EPM2AIP1: variants seen among roughly 807,000 people sequenced by gnomAD.
EPM2AIP1 encodes EPM2A-interacting protein 1.
EPM2AIP1 carries 23 observed loss-of-function variants against 44.8 expected under a neutral mutation model. The observed-to-expected ratio is 0.51, with a 90% CI of 0.37 to 0.73. EPM2AIP1 has a LOEUF of 0.73. Among genes scored for constraint, EPM2AIP1 ranks in the 30% least tolerant of loss-of-function variants. The probability of loss-of-function intolerance (pLI) is 0.00; values close to 1 mark genes in which losing one functional copy is unlikely to be tolerated. For synonymous variants in EPM2AIP1, 311 were observed against 284.3 expected (o/e 1.09, Z -0.94); for missense variants, 652 against 743.9 (o/e 0.88, Z 1.44).
chr3:36,990,383 T>C lies in EPM2AIP1; in HGVS notation c.*871A>G. 1.0e-6 allele frequency: 1 copy of C among 981,276 alleles called. No individual in the cohort carries two copies. The highest frequency in any genetic ancestry group is 1.2e-6 in the Non-Finnish European group (1 of 827,134). The allele number at this position is 981,276 out of a possible 1,614,324, so 60.8% of individuals were successfully genotyped here. A position where few individuals can be genotyped will look rare whatever the true frequency, so the allele number is the denominator to read the frequency against. Reference sequence around the variant, plus strand: ...AGCTAAAATATCTCACACCTCCTAATCCTGGAGTGCAATCTTTTTTCCTCA... The same window carrying C: ...AGCTAAAATATCTCACACCTCCTAACCCTGGAGTGCAATCTTTTTTCCTCA... On this transcript the variant is annotated 3_prime_UTR_variant, in exon 1 of 1. Transcript: ENST00000322716.
Position 36,990,726 on chromosome 3 carries a change from A to G in EPM2AIP1, c.*528T>C, listed in dbSNP as rs1339214420. ...GTCAGTATTACCTTCGAACTCAGAA[A>G]TGTTTAAAAAAAAGTCTCAAACATT... On this transcript the variant is annotated 3_prime_UTR_variant, in exon 1 of 1. Coordinates refer to ENST00000322716, the MANE Select transcript of EPM2AIP1 (RefSeq NM_014805.4). 1 of 985,608 alleles carries G rather than the reference A, an allele frequency of 1.0e-6. No individual in the cohort carries two copies. Among genetic ancestry groups the G allele is most frequent in the East Asian group, 1.1e-4 (1 of 8,840 alleles). 61.1% of individuals were successfully genotyped at this position (985,608 alleles called of 1,614,324 possible).
chr3:36,993,124 G>C lies in EPM2AIP1; in HGVS notation c.-47C>G. ...AGGGCCAACGTTAGAAAGGCCGCAAGGGGAGAGGAGGAGCCTGAGAAGCGC... is the reference window on the plus strand; with the variant it reads ...AGGGCCAACGTTAGAAAGGCCGCAACGGGAGAGGAGGAGCCTGAGAAGCGC... On this transcript the variant is annotated 5_prime_UTR_variant, in exon 1 of 1. Coordinates refer to ENST00000322716, the MANE Select transcript of EPM2AIP1 (RefSeq NM_014805.4). 6.5e-7 allele frequency: 1 copy of C among 1,550,186 alleles called. No homozygotes were observed. The highest frequency in any genetic ancestry group is 1.2e-5 in the South Asian group (1 of 82,428).
At position 36,991,127 on chromosome 3, in the gene EPM2AIP1, G is replaced by C. The variant is rs2080800001; in HGVS notation, c.*127C>G. 2.2e-6 allele frequency: 3 copies of C among 1,384,864 alleles called. No homozygotes were observed. Among genetic ancestry groups the C allele is most frequent in the African/African-American group, 2.9e-5 (2 of 69,628 alleles). 85.8% of individuals were successfully genotyped at this position (1,384,864 alleles called of 1,614,324 possible). On this transcript the variant is annotated 3_prime_UTR_variant, in exon 1 of 1. Coordinates refer to ENST00000322716, the MANE Select transcript of EPM2AIP1 (RefSeq NM_014805.4). ...AGGCAACTGTCAGAATTTTAATTGT[G>C]ATCAGTTTGGACGGCTGGTACTTGG...
chr3:36,991,322 C>T lies in EPM2AIP1; in HGVS notation c.1756G>A (p.Val586Ile), dbSNP rs764795571. 5 of 1,613,852 alleles carry T rather than the reference C, an allele frequency of 3.1e-6. No individual in the cohort carries two copies. The African/African-American group carries it at 6.7e-5, about 22-fold the overall frequency. Residue 586 changes from valine (V) to isoleucine (I), a missense_variant, in exon 1 of 1, where the codon GTT (valine) becomes ATT (isoleucine). Coordinates refer to ENST00000322716, the MANE Select transcript of EPM2AIP1 (RefSeq NM_014805.4). ...CCGGGCTCCATTTCAGTTGTGGCAA[C>T]CCGAAACAGGGCTTGGAGATGCTCA... ...TDEHLQALFR[V>I]ATTEMEPGWD...
In EPM2AIP1 at chr3:36,991,762, T is replaced by G; in HGVS notation, c.1316A>C (p.Glu439Ala). The G allele has an allele frequency of 6.2e-7, 1 of 1,613,840 alleles. No homozygotes were observed. Among genetic ancestry groups the G allele is most frequent in the South Asian group, 1.1e-5 (1 of 91,070 alleles). The change falls in exon 1 of 1, where the codon GAA (glutamate) becomes GCA (alanine). Residue 439 changes from glutamate (E) to alanine (A), a missense_variant. Transcript: ENST00000322716. ...KNLTDFPALR[E>A]VVDELKQQNK... ...TTGCTGTTTTAGCTCATCAACAACT[T>G]CTCTGAGGGCAGGAAAGTCTGTTAG...
Position 36,991,515 on chromosome 3 carries a change from T to C in EPM2AIP1, c.1563A>G (p.Arg521=), listed in dbSNP as rs1559495876. 1 of 1,613,760 alleles carries C rather than the reference T, an allele frequency of 6.2e-7. No homozygotes were observed. Among genetic ancestry groups the C allele is most frequent in the Non-Finnish European group, 8.5e-7 (1 of 1,179,816 alleles). The change falls in exon 1 of 1, where the codon AGA becomes AGG. Residue 521 remains arginine, a synonymous_variant. Coordinates refer to ENST00000322716, the MANE Select transcript of EPM2AIP1 (RefSeq NM_014805.4). ...CATAAAACTGCCCCAAGTCTTTGAT[T>C]CTGTATTCATTCCAAAGATTAGTGT... The part of the protein sequence containing the change: ...QANTNLWNEY[R]IKDLGQFYAG...
Position 36,991,335 on chromosome 3 carries a change from T to C in EPM2AIP1, c.1743A>G (p.Gln581=), listed in dbSNP as rs1429592840. The change falls in exon 1 of 1, where the codon CAA becomes CAG. Residue 581 remains glutamine, a synonymous_variant. Transcript: ENST00000322716. ...LSQPLTDEHL[Q]ALFRVATTEM... is the part of the protein sequence containing the mutation. ...CAGTTGTGGCAACCCGAAACAGGGCTTGGAGATGCTCATCTGTTAATGGCT... is the reference window on the plus strand; with the variant it reads ...CAGTTGTGGCAACCCGAAACAGGGCCTGGAGATGCTCATCTGTTAATGGCT... 1 of 1,614,036 alleles carries C rather than the reference T, an allele frequency of 6.2e-7. No individual in the cohort carries two copies. Among genetic ancestry groups the C allele is most frequent in the Non-Finnish European group, 8.5e-7 (1 of 1,179,888 alleles).
Position 36,986,207 on chromosome 3 carries a change from A to G in EPM2AIP1, c.*5047T>C, listed in dbSNP as rs2080768354. On this transcript the variant is annotated 3_prime_UTR_variant, in exon 1 of 1. Coordinates refer to ENST00000322716, the MANE Select transcript of EPM2AIP1 (RefSeq NM_014805.4). ...GAAAGGTGAAACTGCCCCTTGAGAT[A>G]ACCTGAAAGGCAGATCATCTACCCT... 1 of 152,256 alleles carries G rather than the reference A, an allele frequency of 6.6e-6. No homozygotes were observed. Among genetic ancestry groups the G allele is most frequent in the African/African-American group, 2.4e-5 (1 of 41,474 alleles). The allele number at this position is 152,256 out of a possible 1,614,324, so 9.4% of individuals were successfully genotyped here. A position where few individuals can be genotyped will look rare whatever the true frequency, so the allele number is the denominator to read the frequency against.
Position 36,991,701 on chromosome 3 carries a change from C to T in EPM2AIP1, c.1377G>A (p.Arg459=), listed in dbSNP as rs375933286. ...KEDEKIFDPD[R]YQMVICRLQK... is the part of the protein sequence containing the mutation. ...GGAGACGACAGATCACCATTTGATA[C>T]CTATCAGGATCAAATATTTTTTCAT... Residue 459 remains arginine, a synonymous_variant, in exon 1 of 1, where the codon AGG becomes AGA. Coordinates refer to ENST00000322716, the MANE Select transcript of EPM2AIP1 (RefSeq NM_014805.4). 360 of 1,613,220 alleles carry T rather than the reference C, an allele frequency of 2.2e-4. No homozygotes were observed. Among genetic ancestry groups the T allele is most frequent in the Non-Finnish European group, 3.0e-4 (350 of 1,179,724 alleles).
Position 36,987,696 on chromosome 3 carries a change from C to T in EPM2AIP1, c.*3558G>A, listed in dbSNP as rs578076169. ...TTTAAGTCACATGCTAAGCACTACACTAAATTCTGAGAATACAACGAGGTC... is the reference window on the plus strand; with the variant it reads ...TTTAAGTCACATGCTAAGCACTACATTAAATTCTGAGAATACAACGAGGTC... On this transcript the variant is annotated 3_prime_UTR_variant, in exon 1 of 1. Transcript: ENST00000322716. 6 of 152,238 alleles carry T rather than the reference C, an allele frequency of 3.9e-5. No individual in the cohort carries two copies. Among genetic ancestry groups the T allele is most frequent in the African/African-American group, 1.4e-4 (6 of 41,556 alleles). 9.4% of individuals were successfully genotyped at this position (152,238 alleles called of 1,614,324 possible). A position where few individuals can be genotyped will look rare whatever the true frequency, so the allele number is the denominator to read the frequency against.
At position 36,985,692 on chromosome 3, in the gene EPM2AIP1, C is replaced by T. The variant is rs2080766050; in HGVS notation, c.*5562G>A. On this transcript the variant is annotated 3_prime_UTR_variant, in exon 1 of 1. Coordinates refer to ENST00000322716, the MANE Select transcript of EPM2AIP1 (RefSeq NM_014805.4). ...ACACTCCTGATGGTATCTGCTTTGT[C>T]AGCCTGAGACCCAGAATGAAGGCAA... The T allele has an allele frequency of 1.3e-5, 2 of 152,166 alleles. No individual in the cohort carries two copies. Among genetic ancestry groups the T allele is most frequent in the South Asian group, 4.1e-4 (2 of 4,828 alleles). 9.4% of individuals were successfully genotyped at this position (152,166 alleles called of 1,614,324 possible). A position where few individuals can be genotyped will look rare whatever the true frequency, so the allele number is the denominator to read the frequency against.
In EPM2AIP1 at chr3:36,987,216, G is replaced by T. The variant is rs1296511704; in HGVS notation, c.*4038C>A. ...ATTTACTTACTTTTAAATCCCAGAA[G>T]AGCCAAAAATCATCTGTAAAGGAAA... On this transcript the variant is annotated 3_prime_UTR_variant, in exon 1 of 1. Transcript: ENST00000322716. The T allele has an allele frequency of 6.6e-6, 1 of 152,488 alleles. No homozygotes were observed. Among genetic ancestry groups the T allele is most frequent in the African/African-American group, 2.4e-5 (1 of 41,390 alleles). 9.4% of individuals were successfully genotyped at this position (152,488 alleles called of 1,614,324 possible). A position where few individuals can be genotyped will look rare whatever the true frequency, so the allele number is the denominator to read the frequency against.
rs570756896 is a variant in EPM2AIP1 at position 36,991,400 on chromosome 3, C to A, written c.1678G>T (p.Ala560Ser). ...LFDSNQICEK[A>S]FSYLTRNQHT... ...TGGTTTCGAGTCAAATATGAAAAAG[C>A]CTTTTCACAGATTTGGTTACTATCA... The change falls in exon 1 of 1, where the codon GCT becomes TCT. Residue 560 changes from alanine to serine, a missense_variant. Transcript: ENST00000322716. 2.5e-6 allele frequency: 4 copies of A among 1,613,924 alleles called. No individual in the cohort carries two copies. Among genetic ancestry groups the A allele is most frequent in the East Asian group, 4.5e-5 (2 of 44,888 alleles).
rs2080793616 is a variant in EPM2AIP1 at position 36,990,082 on chromosome 3, T to C, written c.*1172A>G. The C allele has an allele frequency of 2.0e-5, 3 of 152,264 alleles. No individual in the cohort carries two copies. The highest frequency in any genetic ancestry group is 4.4e-5 in the Non-Finnish European group (3 of 68,052). 9.4% of individuals were successfully genotyped at this position (152,264 alleles called of 1,614,324 possible). ...AATGAACTTTAAGATTGCCTTTTCA[T>C]GGTGAACAGAAGTTTGGAAATTACT... On this transcript the variant is annotated 3_prime_UTR_variant, in exon 1 of 1. Transcript: ENST00000322716.
At position 36,991,848 on chromosome 3, in the gene EPM2AIP1, G is replaced by A; in HGVS notation, c.1230C>T (p.Asp410=). 1 of 1,613,620 alleles carries A rather than the reference G, an allele frequency of 6.2e-7. No individual in the cohort carries two copies. The highest frequency in any genetic ancestry group is 2.2e-5 in the East Asian group (1 of 44,878). The change falls in exon 1 of 1, where the codon GAC becomes GAT. Residue 410 remains aspartate (D), a synonymous_variant. Transcript: ENST00000322716. ...VSKVFAAAAF[D]HICTFEVKLN... Reference sequence around the variant, plus strand: ...GCTTAACTTCGAAAGTACAAATATGGTCAAAGGCAGCAGCAGCAAAGACTT... The same window carrying A: ...GCTTAACTTCGAAAGTACAAATATGATCAAAGGCAGCAGCAGCAAAGACTT...
Position 36,992,254 on chromosome 3 carries a change from A to G in EPM2AIP1, c.824T>C (p.Val275Ala), listed in dbSNP as rs1575368783. 6.2e-7 allele frequency: 1 copy of G among 1,614,024 alleles called. No individual in the cohort carries two copies. The highest frequency in any genetic ancestry group is 1.6e-4 in the Middle Eastern group (1 of 6,062). The change falls in exon 1 of 1, where the codon GTC (valine) becomes GCC (alanine). Residue 275 changes from valine to alanine, a missense_variant. By Grantham distance (64) the Val-to-Ala change is moderately conservative (BLOSUM62 0). Transcript: ENST00000322716. This position sits in a 1 kb window ranked among gnomAD's most constrained non-coding sequence, Gnocchi z 5.3. ...GTGAAGAAATCCTGAATAATGAATG[A>G]CATTCCAACAGTTGGGGCTTACGGC... ...EKAVSPNCWN[V>A]IHYSGFLHLE...
Position 36,987,607 on chromosome 3 carries a change from T to C in EPM2AIP1, c.*3647A>G, listed in dbSNP as rs1253121491. The C allele has an allele frequency of 7.1e-6, 1 of 141,402 alleles. No individual in the cohort carries two copies. Among genetic ancestry groups the C allele is most frequent in the Non-Finnish European group, 1.6e-5 (1 of 64,508 alleles). 8.8% of individuals were successfully genotyped at this position (141,402 alleles called of 1,614,324 possible). A position where few individuals can be genotyped will look rare whatever the true frequency, so the allele number is the denominator to read the frequency against. Reference sequence around the variant, plus strand: ...TTTACCAGGGAAAACCGCAATTTGTTATCCTTCTCTCCTTTCATACAACAG... The same window carrying C: ...TTTACCAGGGAAAACCGCAATTTGTCATCCTTCTCTCCTTTCATACAACAG... On this transcript the variant is annotated 3_prime_UTR_variant, in exon 1 of 1. Transcript: ENST00000322716.
chr3:36,991,750 T>A lies in EPM2AIP1; in HGVS notation c.1328A>T (p.Glu443Val). The change falls in exon 1 of 1, where the codon GAG becomes GTG. Residue 443 changes from glutamate to valine, a missense_variant. By Grantham distance (121) the Glu-to-Val change is moderately radical (BLOSUM62 -2). Transcript: ENST00000322716. ...DFPALREVVDELKQQNKEDEK... is the reference protein window; with the variant it reads ...DFPALREVVDVLKQQNKEDEK... ...ATCTTCCTTATTTTGCTGTTTTAGC[T>A]CATCAACAACTTCTCTGAGGGCAGG... 1 of 1,613,882 alleles carries A rather than the reference T, an allele frequency of 6.2e-7. No homozygotes were observed. Among genetic ancestry groups the A allele is most frequent in the Non-Finnish European group, 8.5e-7 (1 of 1,179,870 alleles).
rs775218045 is a variant in EPM2AIP1 at position 36,992,629 on chromosome 3, G to A, written c.449C>T (p.Thr150Ile). The change falls in exon 1 of 1, where the codon ACA becomes ATA. Residue 150 changes from threonine (T) to isoleucine (I), a missense_variant. Coordinates refer to ENST00000322716, the MANE Select transcript of EPM2AIP1 (RefSeq NM_014805.4). The surrounding 1 kb of genome is among the most constrained non-coding windows in gnomAD (Gnocchi z 5.3). ...LQGVDLSPDITRQRILSIDRN... is the reference protein window; with the variant it reads ...LQGVDLSPDIIRQRILSIDRN... ...GTCAATGCTCAGGATCCTCTGCCTT[G>A]TGATATCTGGAGATAAGTCAACGCC... 10 of 1,614,066 alleles carry A rather than the reference G, an allele frequency of 6.2e-6. No individual in the cohort carries two copies. The Admixed American group carries it at 1.5e-4, about 24-fold the overall frequency.
Sources: allele counts gnomAD v4.1 joint callset, GRCh38; gene constraint gnomAD v4.1.1; non-coding constraint Gnocchi (gnomAD v3.1); transcripts MANE v1.5; gene names NCBI Gene and HGNC (gene_info 2026-07-23, HGNC 2026-07-21).